TCTN2: variants seen among roughly 807,000 people sequenced by gnomAD.
The protein encoded by TCTN2 is tectonic family member 2.
In TCTN2, 66 loss-of-function variants were observed where a neutral mutation model predicts 83.4. That is an observed-to-expected ratio of 0.79 (90% CI 0.65 to 0.97). The LOEUF is 0.97. Ranked by LOEUF, TCTN2 falls within the 50% of genes least tolerant of loss-of-function variation. The pLI is 0.00. For synonymous variants in TCTN2, 301 were observed against 326.7 expected, an observed-to-expected ratio of 0.92 and a Z score of 0.85; for missense variants, 794 against 858.1, an observed-to-expected ratio of 0.93 and a Z score of 0.93.
chr12:123,696,574 GCAAT>G, intron 12 of TCTN2, 79 bp downstream of exon 12: 1 of 1,297,780 alleles, frequency 7.7e-7, no homozygotes, highest in South Asian at 1.2e-5. Context: ...ATCTAATCAA[GCAAT>G]CAATTATTTT....
intron 9 of TCTN2, among the ~76,000 whole-genome samples, chr12:123,694,470 G>T (rs775263944): frequency 6.6e-6 from 1 of 152,196 alleles, no homozygotes; most frequent in African/African-American, 2.4e-5. Flanking sequence ...GAGTTCCTAC[G>T]CCGTAGTAGG....
rs560963108 is a variant in TCTN2 at position 123,685,441 on chromosome 12, C to T, written c.565-1395C>T. Among the ~76,000 whole-genome samples the T allele has an allele frequency of 3.9e-5, 6 of 152,184 alleles. No individual in the cohort carries two copies. In the South Asian group the frequency reaches 6.2e-4, roughly 16 times the overall value. ...AATCAAGTAACTTCTTTTTTCGAGA[C>T]GGAGTCTTGTTCTGTCACCCAGGCT... is the stretch of plus-strand genomic sequence containing the variant. On this transcript the variant is annotated intron_variant, in intron 5 of 17. Transcript: ENST00000303372.
intron 11 of TCTN2, chr12:123,696,022 T>C (rs1956103567): frequency 4.0e-6 from 1 of 249,562 alleles, no homozygotes; most frequent in Non-Finnish European, 7.9e-6. Context: ...TTTTGTACTT[T>C]TAGTAGAGAT....
At position 123,707,859 on chromosome 12, in the gene TCTN2, C is replaced by T. The variant is rs1046414186; in HGVS notation, c.*146C>T. 46 of 693,918 alleles carry T rather than the reference C, an allele frequency of 6.6e-5. No individual in the cohort carries two copies. The highest frequency in any genetic ancestry group is 1.1e-4 in the Non-Finnish European group (41 of 385,224). The allele number at this position is 693,918 out of a possible 1,614,324, so 43.0% of individuals were successfully genotyped here. On this transcript the variant is annotated 3_prime_UTR_variant, in exon 18 of 18. Coordinates refer to ENST00000303372, the MANE Select transcript of TCTN2 (RefSeq NM_024809.5). ...CCGGAGAACTGGGATTACAGGCATG[C>T]ACCACCACGCCCGGCTAATTTTGTA...
intron 6 of TCTN2, among the ~76,000 whole-genome samples, 196 bp downstream of exon 6, chr12:123,687,231 G>T (rs1184944806): frequency 2.0e-5 from 3 of 152,210 alleles, no homozygotes; most frequent in East Asian, 1.9e-4. Flanking sequence ...TCATTGAAAA[G>T]AAATTGATTG....
intron 4 of TCTN2, 152 bp downstream of exon 4, chr12:123,673,962 C>T (rs751870273): frequency 5.9e-5 from 44 of 747,812 alleles, no homozygotes; most frequent in Admixed American, 4.4e-4. Flanking sequence ...CGCGCCACTG[C>T]GTTCCAGCCA....
chr12:123,694,982 T>C lies in TCTN2; in HGVS notation c.1234+6T>C, dbSNP rs1477485147. The C allele has an allele frequency of 1.9e-6, 3 of 1,613,138 alleles. No homozygotes were observed. Among genetic ancestry groups the C allele is most frequent in the African/African-American group, 2.7e-5 (2 of 74,922 alleles). On this transcript the variant is annotated splice_donor_region_variant and intron_variant, in intron 10 of 17. Coordinates refer to ENST00000303372, the MANE Select transcript of TCTN2 (RefSeq NM_024809.5). ...GATTAATGCCCACCAGAAAGGTAAC[T>C]TTGATGAGGGTAGCAAGCATGCTTT...
At chr12:123,671,467 C>T (rs1955749540) in intron 1 of TCTN2, 40 bp from the exon 2 acceptor site, 18 of 1,603,774 alleles carry the variant, frequency 1.1e-5, no homozygotes, top group Non-Finnish European at 1.5e-5. Flanking sequence ...GTGATTCTTC[C>T]ACTGCTAACC....
At chr12:123,699,069 C>G (rs1956142031) in intron 13 of TCTN2, among the ~76,000 whole-genome samples, 1 of 152,052 alleles carries the variant, frequency 6.6e-6, no homozygotes, top group Non-Finnish European at 1.5e-5. Context: ...ATCCTGCTAA[C>G]TTGATGTGTG....
In TCTN2 at chr12:123,690,673, A is replaced by G. The variant is rs1449078268; in HGVS notation, c.1032A>G (p.Gly344=). Residue 344 remains glycine (G), a splice_region_variant and synonymous_variant, in exon 8 of 18, where the codon GGA becomes GGG. Coordinates refer to ENST00000303372, the MANE Select transcript of TCTN2 (RefSeq NM_024809.5). ...INAKIKNVAL[G]GIVTPKVIYE... ...CGAAGATAAAGAATGTTGCCTTAGG[A>G]GGTATGTTACATTTCTTTGAAAAAA... 6.2e-7 allele frequency: 1 copy of G among 1,614,120 alleles called. No individual in the cohort carries two copies. The highest frequency in any genetic ancestry group is 1.7e-5 in the Admixed American group (1 of 60,010).
intron 14 of TCTN2, among the ~76,000 whole-genome samples, chr12:123,702,814 A>C (rs937606159): frequency 3.9e-5 from 6 of 152,348 alleles, no homozygotes; most frequent in African/African-American, 1.4e-4. Flanking sequence ...GTTGCCTTCA[A>C]GGTGGAAGGG....
Position 123,671,284 on chromosome 12 carries a change from T to C in TCTN2, c.44T>C (p.Leu15Pro), listed in dbSNP as rs776874329. 1.9e-6 allele frequency: 3 copies of C among 1,613,606 alleles called. No homozygotes were observed. Among genetic ancestry groups the C allele is most frequent in the Middle Eastern group, 3.3e-4 (2 of 6,080 alleles). The change falls in exon 1 of 18, where the codon CTT becomes CCT. Residue 15 changes from leucine to proline, a missense_variant. By Grantham distance (98) the Leu-to-Pro change is moderately conservative. Coordinates refer to ENST00000303372, the MANE Select transcript of TCTN2 (RefSeq NM_024809.5). ...PPAALLLRLFLLQGILRLLWG... is the reference protein window; with the variant it reads ...PPAALLLRLFPLQGILRLLWG... Reference sequence around the variant, plus strand: ...GCCGCTCTTCTTTTGAGGCTTTTCCTTCTGCAGGGCATCCTGAGGCTTCTG... The same window carrying C: ...GCCGCTCTTCTTTTGAGGCTTTTCCCTCTGCAGGGCATCCTGAGGCTTCTG...
chr12:123,696,503 G>A lies in TCTN2; in HGVS notation c.1393+8G>A, dbSNP rs1260036732. On this transcript the variant is annotated splice_region_variant and intron_variant, in intron 12 of 17. Transcript: ENST00000303372. The stretch of plus-strand genomic sequence containing the variant: ...TACATCTTTGGCAATCGGGTAATCC[G>A]GTTTGGTCATTATGATTAGCCCTTT... 4 of 1,612,488 alleles carry A rather than the reference G, an allele frequency of 2.5e-6. No homozygotes were observed. Among genetic ancestry groups the A allele is most frequent in the East Asian group, 4.5e-5 (2 of 44,872 alleles).
Position 123,707,608 on chromosome 12 carries a change from G to A in TCTN2, c.1989G>A (p.Glu663=), listed in dbSNP as rs780872790. The change falls in exon 18 of 18, where the codon GAG becomes GAA. Residue 663 remains glutamate (E), a synonymous_variant. Transcript: ENST00000303372. The part of the protein sequence containing the change: ...LYPWTQYYQG[E]LHSQCVAKGL... ...ATTTTGTCCATTGTTTTTCAGGGGA[G>A]CTGCATTCTCAGTGTGTTGCTAAGG... The A allele has an allele frequency of 1.9e-6, 3 of 1,614,062 alleles. No homozygotes were observed. Among genetic ancestry groups the A allele is most frequent in the Non-Finnish European group, 2.5e-6 (3 of 1,179,914 alleles).
At chr12:123,696,916 TA>T (rs1464819016) in intron 12 of TCTN2, 170 bp from the exon 13 acceptor site, 49 of 621,104 alleles carry the variant, frequency 7.9e-5, no homozygotes, top group Non-Finnish European at 1.4e-5. Context: ...AGAAGTCTGA[TA>T]AAGGCACCTT....
Position 123,707,872 on chromosome 12 carries a change from G to T in TCTN2, c.*159G>T. On this transcript the variant is annotated 3_prime_UTR_variant, in exon 18 of 18. Transcript: ENST00000303372. ...ATTACAGGCATGCACCACCACGCCC[G>T]GCTAATTTTGTATTTTTAGTAGAGA... The T allele has an allele frequency of 1.5e-6, 1 of 653,526 alleles. No homozygotes were observed. Among genetic ancestry groups the T allele is most frequent in the Non-Finnish European group, 2.8e-6 (1 of 363,536 alleles). 40.5% of individuals were successfully genotyped at this position (653,526 alleles called of 1,614,324 possible). A position where few individuals can be genotyped will look rare whatever the true frequency, so the allele number is the denominator to read the frequency against.
chr12:123,686,735 T>G, intron 5 of TCTN2, 101 bp from the exon 6 acceptor site: 2 of 1,131,926 alleles, frequency 1.8e-6, no homozygotes, highest in Admixed American at 3.5e-5. Context: ...CTTGCTTACT[T>G]GGTAGTGTCC....
chr12:123,702,709 G>A lies in TCTN2; in HGVS notation c.1613-1823G>A, dbSNP rs572019041. 3.3e-5 allele frequency among the ~76,000 whole-genome samples: 5 copies of A among 152,310 alleles called. No individual in the cohort carries two copies. The East Asian group carries it at 9.6e-4, about 29-fold the overall frequency. ...CTGTGGAATGACCCTGAGGGCTGGA[G>A]AAAAGTCAGCAGTTGGGAAATAAAC... On this transcript the variant is annotated intron_variant, in intron 14 of 17. Transcript: ENST00000303372.
intron 9 of TCTN2, among the ~76,000 whole-genome samples, chr12:123,694,331 G>A (rs1054262781): frequency 2.0e-5 from 3 of 152,216 alleles, no homozygotes; most frequent in African/African-American, 4.8e-5. Context: ...GTTTCGCCAT[G>A]CTGGCCAGGC....
Sources: allele counts gnomAD v4.1 joint callset (sites outside exome capture counted in the v4.1 genomes callset), GRCh38; gene constraint gnomAD v4.1.1; transcripts MANE v1.5; gene names NCBI Gene and HGNC (gene_info 2026-07-23, HGNC 2026-07-21).